SLC6A13: variants seen among roughly 807,000 people sequenced by gnomAD.
SLC6A13 encodes solute carrier family 6 member 13.
Under a neutral mutation model 72.9 loss-of-function variants are expected in SLC6A13, and 69 were observed. That is an observed-to-expected ratio of 0.95 (90% confidence interval 0.78 to 1.16). The LOEUF is 1.16. SLC6A13 is among the 50% of genes most tolerant of loss of function. The probability of loss-of-function intolerance (pLI) is 0.00; values close to 1 mark genes in which losing one functional copy is unlikely to be tolerated. For synonymous variants in SLC6A13, 303 were observed against 303.0 expected, an observed-to-expected ratio of 1.00 and a Z score of 0.00; for missense variants, 735 against 760.5, an observed-to-expected ratio of 0.97 and a Z score of 0.39.
At chr12:234,914 T>C (rs1300134441) in intron 7 of SLC6A13, among the ~76,000 whole-genome samples, 176 bp downstream of exon 7, 1 of 152,208 alleles carries the variant, frequency 6.6e-6, no homozygotes, top group Non-Finnish European at 1.5e-5. Flanking sequence ...GGGTCTGGAT[T>C]GAGACCCCTT....
intron 1 of SLC6A13, among the ~76,000 whole-genome samples, chr12:260,955 T>C (rs1316076054): frequency 1.3e-5 from 2 of 152,076 alleles, no homozygotes; most frequent in Admixed American, 1.3e-4. Flanking sequence ...TTGGGAGAGG[T>C]TGAGTGGGAC....
chr12:235,394 C>T (rs1322359057), intron 6 of SLC6A13, among the ~76,000 whole-genome samples, 170 bp from the exon 7 acceptor site: 1 of 152,062 alleles, frequency 6.6e-6, no homozygotes, highest in East Asian at 1.9e-4. Context: ...AGTTAGGGAC[C>T]CCGAATGGAG....
intron 2 of SLC6A13, among the ~76,000 whole-genome samples, chr12:253,986 C>A (rs535365445): frequency 6.6e-6 from 1 of 152,326 alleles, no homozygotes; most frequent in African/African-American, 2.4e-5. Flanking sequence ...TTTAAATTCC[C>A]CGCTGGCTAT....
chr12:237,550 G>A (rs574904886), intron 5 of SLC6A13, among the ~76,000 whole-genome samples: 1 of 152,058 alleles, frequency 6.6e-6, no homozygotes, highest in African/African-American at 2.4e-5. Context: ...TTCCAACCAG[G>A]GTTTCAGGAC....
intron 11 of SLC6A13, 148 bp downstream of exon 11, chr12:223,844 T>A: frequency 1.2e-6 from 1 of 867,436 alleles, no homozygotes. Context: ...ACTTTGTCGT[T>A]CCTGGGATGG....
intron 5 of SLC6A13, 71 bp downstream of exon 5, chr12:237,855 G>T: frequency 8.9e-7 from 1 of 1,118,030 alleles, no homozygotes. Flanking sequence ...GAGTGACCTT[G>T]GTGTGTACTC....
At chr12:238,858 A>G (rs1472403152) in intron 4 of SLC6A13, among the ~76,000 whole-genome samples, 1 of 151,986 alleles carries the variant, frequency 6.6e-6, no homozygotes, top group African/African-American at 2.4e-5. Flanking sequence ...TGGCAGCATC[A>G]GCTCCCGGCT....
At chr12:235,662 C>T (rs781566776) in intron 6 of SLC6A13, among the ~76,000 whole-genome samples, 23 of 152,038 alleles carry the variant, frequency 1.5e-4, no homozygotes, top group Non-Finnish European at 3.4e-4. Flanking sequence ...GAACAGAATA[C>T]TAGCGATTTT....
In SLC6A13 at chr12:246,668, C is replaced by T. The variant is rs949584387; in HGVS notation, c.203-2855G>A. 3.3e-5 allele frequency among the ~76,000 whole-genome samples: 5 copies of T among 152,166 alleles called. No homozygotes were observed. The East Asian group carries it at 7.8e-4, about 24-fold the overall frequency. ...GCAGAGCAGAAGAAAAGATCAGTGA[C>T]CTTGAACCATAATAGAAACTATCTA... is the stretch of plus-strand genomic sequence containing the variant. On this transcript the variant is annotated intron_variant, in intron 2 of 14. Transcript: ENST00000343164.
chr12:252,281 C>G (rs1228886860), intron 2 of SLC6A13, among the ~76,000 whole-genome samples: 6 of 152,024 alleles, frequency 3.9e-5, no homozygotes, highest in Non-Finnish European at 8.8e-5. Context: ...CTAAGAAAAA[C>G]AAACTAGTTT....
At chr12:248,403 GAA>G (rs35297718) in intron 2 of SLC6A13, among the ~76,000 whole-genome samples, 175 of 100,404 alleles carry the variant, frequency 1.7e-3, no homozygotes, top group Middle Eastern at 5.2e-3. Flanking sequence ...CTCCGTCTCG[GAA>G]AAAAAAAAAA....
rs759618411 is a variant in SLC6A13, at chr12:223,192, T to C, written c.1354A>G (p.Ser452Gly). 6.2e-7 allele frequency: 1 copy of C among 1,613,818 alleles called. No homozygotes were observed. Among genetic ancestry groups the C allele is most frequent in the Non-Finnish European group, 8.5e-7 (1 of 1,179,810 alleles). ...VFQLFDYYAA[S>G]GMCLLFVAIF... ...GCCACGAACAGGAGGCACATGCCAC[T>C]GGCCGCATAGTAGTCAAAGAGCTGG... The change falls in exon 12 of 15, where the codon AGT becomes GGT. Residue 452 changes from serine to glycine, a missense_variant. Physicochemically the swap from Ser to Gly is moderately conservative, Grantham distance 56. Transcript: ENST00000343164.
At chr12:241,207 A>G (rs1942153510) in intron 4 of SLC6A13, among the ~76,000 whole-genome samples, 1 of 152,190 alleles carries the variant, frequency 6.6e-6, no homozygotes, top group African/African-American at 2.4e-5. Flanking sequence ...GGGAGGCTGA[A>G]GCAGAGAATT....
rs200967417 is a variant in SLC6A13, at chr12:223,175, C to G, written c.1371G>C (p.Leu457=). 68 of 1,613,964 alleles carry G rather than the reference C, an allele frequency of 4.2e-5. 1 individual carries two copies. The Admixed American group carries it at 5.7e-4, about 13-fold the overall frequency. Residue 457 remains leucine, a synonymous_variant, in exon 12 of 15, where the codon CTG becomes CTC. Coordinates refer to ENST00000343164, the MANE Select transcript of SLC6A13 (RefSeq NM_016615.5). ...AGAGGGACTCGAAGATGGCCACGAA[C>G]AGGAGGCACATGCCACTGGCCGCAT... is the stretch of plus-strand genomic sequence containing the variant. The part of the protein sequence containing the change: ...DYYAASGMCL[L]FVAIFESLCV...
intron 13 of SLC6A13, among the ~76,000 whole-genome samples, chr12:221,789 C>A (rs1453779871): frequency 6.6e-6 from 1 of 152,238 alleles, no homozygotes; most frequent in Non-Finnish European, 1.5e-5. Flanking sequence ...AGCTGACTCC[C>A]AGGTAGGATG....
At position 220,851 on chromosome 12, in the gene SLC6A13, G is replaced by A; in HGVS notation, c.*97C>T. On this transcript the variant is annotated 3_prime_UTR_variant, in exon 15 of 15. Coordinates refer to ENST00000343164, the MANE Select transcript of SLC6A13 (RefSeq NM_016615.5). ...ACCCCTCTTGTCTTATCCACTCCAG[G>A]TCGGGGGCAGGGAAGCACATGGGGC... 1.3e-6 allele frequency: 2 copies of A among 1,492,740 alleles called. No individual in the cohort carries two copies. Among genetic ancestry groups the A allele is most frequent in the Admixed American group, 1.8e-5 (1 of 54,492 alleles). The allele number at this position is 1,492,740 out of a possible 1,614,324, so 92.5% of individuals were successfully genotyped here. A position where few individuals can be genotyped will look rare whatever the true frequency, so the allele number is the denominator to read the frequency against.
chr12:261,714 TCAGGAGTTTGAGA>T (rs1942931973), intron 1 of SLC6A13, among the ~76,000 whole-genome samples: 1 of 151,974 alleles, frequency 6.6e-6, no homozygotes, highest in South Asian at 2.1e-4. Context: ...TCTCCTGAGG[TCAGGAGTTTGAGA>T]CCAGCCTGGC....
chr12:240,410 G>A (rs1199586294), intron 4 of SLC6A13, among the ~76,000 whole-genome samples: 2 of 152,168 alleles, frequency 1.3e-5, no homozygotes, highest in Non-Finnish European at 2.9e-5. Context: ...TCATCGTCTT[G>A]CCCAGGTTGG....
intron 2 of SLC6A13, among the ~76,000 whole-genome samples, chr12:255,062 T>A (rs1216995312): frequency 3.9e-5 from 6 of 152,196 alleles, no homozygotes; most frequent in Non-Finnish European, 7.3e-5. Context: ...GAATGGCAGC[T>A]CCTTCCTTCC....
Sources: allele counts gnomAD v4.1 joint callset (sites outside exome capture counted in the v4.1 genomes callset), GRCh38; gene constraint gnomAD v4.1.1; transcripts MANE v1.5; gene names NCBI Gene and HGNC (gene_info 2026-07-23, HGNC 2026-07-21).